The following MXI1 variants were observed in gnomAD, a reference collection of about 807,000 sequenced individuals.
The protein encoded by MXI1 is MAX interactor 1, dimerization protein.
A neutral mutation model predicts 36.9 loss-of-function variants in MXI1; 18 were observed. The ratio of observed to expected loss-of-function variants is 0.49; its 90% CI spans 0.34 to 0.72. MXI1 has a LOEUF of 0.72. Among genes scored for constraint, MXI1 ranks in the 30% least tolerant of loss-of-function variants. MXI1 has a pLI of 0.01. For synonymous variants in MXI1, 160 were observed against 146.7 expected (o/e 1.09, Z -0.65); for missense variants, 304 against 379.1 (o/e 0.80, Z 1.64).
intron 3 of MXI1, among the ~76,000 whole-genome samples, chr10:110,256,135 C>T (rs1856283923): frequency 1.3e-5 from 2 of 152,170 alleles, no homozygotes; most frequent in East Asian, 1.9e-4. Flanking sequence ...CCCTACCTCA[C>T]ACCATACACA....
At chr10:110,278,366 G>A (rs1299523807) in intron 3 of MXI1, among the ~76,000 whole-genome samples, 2 of 152,138 alleles carry the variant, frequency 1.3e-5, no homozygotes, top group Non-Finnish European at 2.9e-5. Context: ...TTTGTCACCT[G>A]TTGTCCTTGT....
intron 1 of MXI1, chr10:110,226,274 C>T: frequency 6.7e-7 from 1 of 1,497,322 alleles, no homozygotes; most frequent in Non-Finnish European, 8.9e-7. Flanking sequence ...TTTGGAGCGC[C>T]GGGAGCGAGG....
intron 2 of MXI1, among the ~76,000 whole-genome samples, chr10:110,230,985 T>C (rs1855237209): frequency 6.6e-6 from 1 of 152,256 alleles, no homozygotes; most frequent in Non-Finnish European, 1.5e-5. Flanking sequence ...GACATTTGTT[T>C]CTCTGACATC....
At chr10:110,258,420 A>C (rs558453158) in intron 3 of MXI1, among the ~76,000 whole-genome samples, 29 of 152,292 alleles carry the variant, frequency 1.9e-4, no homozygotes, top group African/African-American at 6.3e-4. Context: ...GAATTTTCTT[A>C]TGAAACTCTT....
At chr10:110,247,018 T>A (rs1855891625) in intron 3 of MXI1, among the ~76,000 whole-genome samples, 1 of 152,166 alleles carries the variant, frequency 6.6e-6, no homozygotes, top group South Asian at 2.1e-4. Context: ...TATAGTTATT[T>A]CATTTGAATG....
At chr10:110,264,470 A>G (rs1251979352) in intron 3 of MXI1, among the ~76,000 whole-genome samples, 2 of 150,664 alleles carry the variant, frequency 1.3e-5, no homozygotes, top group Non-Finnish European at 2.9e-5. Flanking sequence ...GGTTTAAACG[A>G]TTCTCTTGCC....
chr10:110,218,307 G>A (rs940669460), intron 1 of MXI1, among the ~76,000 whole-genome samples: 2 of 151,998 alleles, frequency 1.3e-5, no homozygotes, highest in Admixed American at 6.5e-5. Context: ...AAAATTAGCC[G>A]GGCGTGGTGG....
chr10:110,258,188 T>G (rs1426642442), intron 3 of MXI1, among the ~76,000 whole-genome samples: 1 of 152,220 alleles, frequency 6.6e-6, no homozygotes, highest in Non-Finnish European at 1.5e-5. Context: ...GATCCAGTTT[T>G]CTGGATTTTA....
chr10:110,256,602 C>CAAAA (rs58267076), intron 3 of MXI1, among the ~76,000 whole-genome samples: 5 of 48,846 alleles, frequency 1.0e-4, no homozygotes, highest in South Asian at 5.5e-4. Flanking sequence ...GACTCTGTCT[C>CAAAA]AAAAAAAAAA....
chr10:110,261,399 G>T (rs1856504968), intron 3 of MXI1, among the ~76,000 whole-genome samples: 1 of 150,104 alleles, frequency 6.7e-6, no homozygotes, highest in Admixed American at 6.7e-5. Flanking sequence ...TTGTCCCCCT[G>T]TAGCATTTAT....
rs1432100548 is a variant in MXI1, at chr10:110,207,906, C to T, written c.98C>T (p.Pro33Leu). 4 of 1,466,778 alleles carry T rather than the reference C, an allele frequency of 2.7e-6. No homozygotes were observed. The highest frequency in any genetic ancestry group is 3.6e-6 in the Non-Finnish European group (4 of 1,105,744). The allele number at this position is 1,466,778 out of a possible 1,614,324, so 90.9% of individuals were successfully genotyped here. Residue 33 changes from proline to leucine, a missense_variant, in exon 1 of 6, where the codon CCC becomes CTC. Coordinates refer to ENST00000332674, the MANE Select transcript of MXI1 (RefSeq NM_130439.3). ...GCTGTGCCCCCCGCCGTGGCCGCGC[C>T]CCAGCCCCCGGCCCTGCCCGAGGAC... is the stretch of plus-strand genomic sequence containing the variant. Reference protein sequence around the residue: ...PPAVPPAVAAPQPPALPEDPA... With the variant: ...PPAVPPAVAALQPPALPEDPA...
chr10:110,210,276 G>A (rs1854479192), intron 1 of MXI1: 2 of 985,120 alleles, frequency 2.0e-6, no homozygotes, highest in Non-Finnish European at 2.4e-6. Context: ...CCCCCGAGAG[G>A]GGTTTGGAAC....
chr10:110,224,059 G>A lies in MXI1; in HGVS notation c.275-4130G>A, dbSNP rs181358888. ...AAGGTAAGAAAACAAAAGGTATGAG[G>A]GAAAGGTATATTAAAATGCAGCATG... On this transcript the variant is annotated intron_variant, in intron 1 of 5. Transcript: ENST00000332674. 2.0e-4 allele frequency among the ~76,000 whole-genome samples: 30 copies of A among 152,236 alleles called. No individual in the cohort carries two copies. The East Asian group carries it at 3.7e-3, about 19-fold the overall frequency.
At chr10:110,241,583 G>A (rs980370888) in intron 2 of MXI1, among the ~76,000 whole-genome samples, 2 of 151,800 alleles carry the variant, frequency 1.3e-5, no homozygotes, top group Non-Finnish European at 2.9e-5. Flanking sequence ...CCTAAACCTT[G>A]TACTGTCCTC....
intron 2 of MXI1, among the ~76,000 whole-genome samples, chr10:110,239,042 T>C (rs1855572347): frequency 6.6e-6 from 1 of 152,232 alleles, no homozygotes; most frequent in South Asian, 2.1e-4. Flanking sequence ...TTTACTGATA[T>C]TCACTATTTC....
intron 5 of MXI1, among the ~76,000 whole-genome samples, 174 bp downstream of exon 5, chr10:110,280,259 T>C (rs984113116): frequency 6.6e-6 from 1 of 151,846 alleles, no homozygotes; most frequent in Non-Finnish European, 1.5e-5. Context: ...TATAAAACTT[T>C]TTGTTTTTTC....
At chr10:110,269,529 A>G (rs1394985270) in intron 3 of MXI1, among the ~76,000 whole-genome samples, 1 of 152,180 alleles carries the variant, frequency 6.6e-6, no homozygotes, top group Non-Finnish European at 1.5e-5. Context: ...CAATAATTTG[A>G]TACAATAAAG....
chr10:110,281,407 CCA>C (rs1857245132), intron 5 of MXI1, among the ~76,000 whole-genome samples: 1 of 152,062 alleles, frequency 6.6e-6, no homozygotes, highest in African/African-American at 2.4e-5. Flanking sequence ...TACATTTTCT[CCA>C]GTTGTCTCAA....
chr10:110,278,782 A>G (rs1435577552), intron 3 of MXI1, among the ~76,000 whole-genome samples: 6 of 152,032 alleles, frequency 3.9e-5, no homozygotes, highest in African/African-American at 9.7e-5. Context: ...GAAACTTGTG[A>G]GCATATTATA....
Sources: gnomAD v4.1 joint callset for allele counts (sites outside exome capture counted in the v4.1 genomes callset) on GRCh38, gnomAD v4.1.1 for gene constraint, MANE v1.5 for transcripts, NCBI Gene and HGNC (gene_info 2026-07-23, HGNC 2026-07-21) for gene names.